Variants in MXI1 observed in about 807,000 individuals in gnomAD.
MXI1 encodes MAX interactor 1, dimerization protein.
A neutral mutation model predicts 36.9 loss-of-function variants in MXI1; 18 were observed. The ratio of observed to expected loss-of-function variants is 0.49; its 90% CI spans 0.34 to 0.72. The LOEUF (loss-of-function observed/expected upper bound fraction) is 0.72, where lower values mean the gene tolerates loss of function less well. Ranked by LOEUF, MXI1 falls within the 30% of genes least tolerant of loss-of-function variation. The probability of loss-of-function intolerance (pLI) is 0.01; values close to 1 mark genes in which losing one functional copy is unlikely to be tolerated. For missense variants in MXI1, 304 were observed against 379.1 expected (o/e 0.80, Z 1.64); for synonymous variants, 160 against 146.7 (o/e 1.09, Z -0.65).
Position 110,279,307 on chromosome 10 carries a change from A to G in MXI1, c.552+13A>G. The G allele has an allele frequency of 6.2e-7, 1 of 1,607,002 alleles. No homozygotes were observed. Among genetic ancestry groups the G allele is most frequent in the Non-Finnish European group, 8.5e-7 (1 of 1,173,602 alleles). On this transcript the variant is annotated intron_variant, in intron 4 of 5. Transcript: ENST00000332674. ...AGCACACATCAAGGTGAGAATTTTTACTTTCAGATTTGCACAATTCCCTCA... is the reference window on the plus strand; with the variant it reads ...AGCACACATCAAGGTGAGAATTTTTGCTTTCAGATTTGCACAATTCCCTCA...
chr10:110,259,127 GTATAT>G (rs1400884564), intron 3 of MXI1, among the ~76,000 whole-genome samples: 1 of 152,046 alleles, frequency 6.6e-6, no homozygotes, highest in Non-Finnish European at 1.5e-5. Flanking sequence ...AATTGACATG[GTATAT>G]TATAGCGAAG....
intron 5 of MXI1, among the ~76,000 whole-genome samples, chr10:110,281,526 C>T (rs867963467): frequency 3.3e-5 from 5 of 152,022 alleles, no homozygotes; most frequent in African/African-American, 1.2e-4. Context: ...TTTCTCTTCC[C>T]CCTACACCGT....
chr10:110,270,439 A>ATT (rs5787841), intron 3 of MXI1, among the ~76,000 whole-genome samples: 2 of 144,172 alleles, frequency 1.4e-5, no homozygotes, highest in Admixed American at 6.9e-5. Flanking sequence ...AGATTTAATT[A>ATT]TTTTTTTTTT....
rs1310002307 is a variant in MXI1, at chr10:110,215,031, G to GTTTT, written c.274+6957_274+6960dup. Among the ~76,000 whole-genome samples, 854 of 98,008 alleles carry GTTTT rather than the reference G, an allele frequency of 8.7e-3. 90 individuals carry two copies. The highest frequency in any genetic ancestry group is 0.038 in the African/African-American group (708 of 18,464). 64.3% of individuals were successfully genotyped at this position (98,008 alleles called of 152,430 possible). On this transcript the variant is annotated intron_variant, in intron 1 of 5. Transcript: ENST00000332674. ...CCATTTTTCTTTCTGCTCCACTTCA[G>GTTTT]TTTTTTTTTTTGTTTTTTTTTTTTT...
At chr10:110,274,700 A>G (rs1357995373) in intron 3 of MXI1, among the ~76,000 whole-genome samples, 2 of 152,096 alleles carry the variant, frequency 1.3e-5, no homozygotes, top group Admixed American at 1.3e-4. Flanking sequence ...GTTCATCATA[A>G]TATTCAGAAG....
chr10:110,235,678 ACT>A (rs1855434951), intron 2 of MXI1, among the ~76,000 whole-genome samples: 1 of 146,742 alleles, frequency 6.8e-6, no homozygotes, highest in Non-Finnish European at 1.5e-5. Flanking sequence ...ACAGAGCAAG[ACT>A]CTGTCTCAAA....
intron 3 of MXI1, among the ~76,000 whole-genome samples, chr10:110,249,538 C>A: frequency 6.7e-6 from 1 of 148,916 alleles, no homozygotes. Flanking sequence ...AAGATCACAC[C>A]ACTGCATTCC....
At chr10:110,208,955 G>T (rs1854435384) in intron 1 of MXI1, among the ~76,000 whole-genome samples, 1 of 152,202 alleles carries the variant, frequency 6.6e-6, no homozygotes, top group Non-Finnish European at 1.5e-5. Flanking sequence ...AGCGCACAGG[G>T]CAAGCAAGGC....
chr10:110,253,941 G>A (rs1189390951), intron 3 of MXI1, among the ~76,000 whole-genome samples: 5 of 151,758 alleles, frequency 3.3e-5, no homozygotes, highest in African/African-American at 9.7e-5. Flanking sequence ...CAGAAATAAG[G>A]TTGTCAACTT....
chr10:110,259,751 T>C (rs1856441866), intron 3 of MXI1, among the ~76,000 whole-genome samples: 1 of 152,046 alleles, frequency 6.6e-6, no homozygotes, highest in African/African-American at 2.4e-5. Context: ...CTTGCTTATC[T>C]TTTTCTACTT....
intron 2 of MXI1, among the ~76,000 whole-genome samples, chr10:110,233,326 A>C (rs879945275): frequency 2.6e-5 from 4 of 152,114 alleles, no homozygotes; most frequent in Non-Finnish European, 4.4e-5. Context: ...CTTTTCAGCT[A>C]TCTTCATGGA....
At chr10:110,221,074 G>A (rs1015916375) in intron 1 of MXI1, among the ~76,000 whole-genome samples, 7 of 152,338 alleles carry the variant, frequency 4.6e-5, no homozygotes, top group South Asian at 2.1e-4. Flanking sequence ...CAAGGTTTGC[G>A]GTCATCACCA....
chr10:110,270,248 G>GTGAATGAATGAA (rs1456241331), intron 3 of MXI1, among the ~76,000 whole-genome samples: 2 of 152,212 alleles, frequency 1.3e-5, no homozygotes, highest in African/African-American at 4.8e-5. Context: ...AAGAAATATG[G>GTGAATGAATGAA]TGAATGAATG....
intron 2 of MXI1, among the ~76,000 whole-genome samples, chr10:110,233,077 A>C (rs1220657803): frequency 1.3e-5 from 2 of 152,208 alleles, no homozygotes; most frequent in African/African-American, 4.8e-5. Flanking sequence ...AGTAGTAAAT[A>C]GCCAATTTAT....
intron 1 of MXI1, among the ~76,000 whole-genome samples, chr10:110,210,871 G>A (rs1854495254): frequency 6.6e-6 from 1 of 152,198 alleles, no homozygotes; most frequent in Admixed American, 6.5e-5. Flanking sequence ...CGGGTCGCTC[G>A]GCGCGCGCGG....
chr10:110,256,335 G>C (rs928916453), intron 3 of MXI1, among the ~76,000 whole-genome samples: 2 of 152,096 alleles, frequency 1.3e-5, no homozygotes, highest in African/African-American at 4.8e-5. Flanking sequence ...TGGGCATGGT[G>C]GCTCATGCCT....
intron 3 of MXI1, among the ~76,000 whole-genome samples, chr10:110,260,069 T>C (rs1856455284): frequency 6.6e-6 from 1 of 152,042 alleles, no homozygotes; most frequent in South Asian, 2.1e-4. Flanking sequence ...GTTTTAATAC[T>C]AAACATGATT....
chr10:110,275,467 T>C (rs1312826430), intron 3 of MXI1, among the ~76,000 whole-genome samples: 1 of 152,154 alleles, frequency 6.6e-6, no homozygotes, highest in Non-Finnish European at 1.5e-5. Flanking sequence ...TGCCATACAA[T>C]TGCTGTTCTA....
chr10:110,252,088 A>G (rs561552509), intron 3 of MXI1, among the ~76,000 whole-genome samples: 4 of 152,286 alleles, frequency 2.6e-5, no homozygotes, highest in African/African-American at 9.6e-5. Context: ...GAAGTAGTCC[A>G]TATAATAAAA....
Sources: gnomAD v4.1 joint callset for allele counts (sites outside exome capture counted in the v4.1 genomes callset) on GRCh38, gnomAD v4.1.1 for gene constraint, MANE v1.5 for transcripts, NCBI Gene and HGNC (gene_info 2026-07-23, HGNC 2026-07-21) for gene names.